Variants in ABL2 observed in about 807,000 individuals in gnomAD.
ABL2 encodes the protein ABL proto-oncogene 2, non-receptor tyrosine kinase.
Under a neutral mutation model 107.7 loss-of-function variants are expected in ABL2, and 49 were observed. The ratio of observed to expected loss-of-function variants is 0.45; its 90% CI spans 0.36 to 0.58. ABL2 has a LOEUF of 0.58. Among genes scored for constraint, ABL2 ranks in the 20% least tolerant of loss-of-function variants. The pLI is 0.00. For synonymous variants in ABL2, 549 were observed against 548.6 expected (o/e 1.00, Z -0.01); for missense variants, 1,245 against 1,457.0 (o/e 0.85, Z 2.37).
intron 1 of ABL2, among the ~76,000 whole-genome samples, chr1:179,207,662 T>C (rs1662052560): frequency 6.6e-6 from 1 of 152,192 alleles, no homozygotes; most frequent in South Asian, 2.1e-4. Flanking sequence ...CCTATTTTAC[T>C]GGTGAGAAAA....
intron 1 of ABL2, among the ~76,000 whole-genome samples, chr1:179,165,692 G>A (rs1490406939): frequency 6.6e-6 from 1 of 151,800 alleles, no homozygotes; most frequent in African/African-American, 2.4e-5. Context: ...TGGGGGAGGG[G>A]ACAGTTATGC....
intron 1 of ABL2, among the ~76,000 whole-genome samples, chr1:179,169,408 C>T (rs1406291664): frequency 2.0e-5 from 3 of 151,862 alleles, no homozygotes; most frequent in Non-Finnish European, 4.4e-5. Context: ...ATTAGCTGGG[C>T]GTGGTGGCGG....
chr1:179,108,644 C>T lies in ABL2; in HGVS notation c.2623G>A (p.Asp875Asn). 1 of 1,614,208 alleles carries T rather than the reference C, an allele frequency of 6.2e-7. No homozygotes were observed. Among genetic ancestry groups the T allele is most frequent in the East Asian group, 2.2e-5 (1 of 44,876 alleles). The change falls in exon 12 of 12, where the codon GAC becomes AAC. Residue 875 changes from aspartate to asparagine, a missense_variant. Coordinates refer to ENST00000502732, the MANE Select transcript of ABL2 (RefSeq NM_007314.4). ...PSGDLAITEK[D>N]PPGVGVAGVA... ...CCAGCCACTCCCACCCCTGGAGGGT[C>T]CTTCTCTGTAATGGCTAGATCCCCA...
chr1:179,140,941 A>C (rs1373062114), intron 1 of ABL2, among the ~76,000 whole-genome samples: 1 of 151,900 alleles, frequency 6.6e-6, no homozygotes, highest in African/African-American at 2.4e-5. Flanking sequence ...GGAGTTCGAG[A>C]CCAGTCTGGC....
intron 3 of ABL2, among the ~76,000 whole-genome samples, chr1:179,130,669 A>T (rs1315787798): frequency 1.3e-5 from 2 of 151,972 alleles, no homozygotes; most frequent in Non-Finnish European, 2.9e-5. Flanking sequence ...TCCGTGGGAA[A>T]TTCTTATAAA....
chr1:179,189,098 G>T (rs111290034), intron 1 of ABL2, among the ~76,000 whole-genome samples: 2,224 of 152,162 alleles, frequency 0.015, 49 homozygotes, highest in African/African-American at 0.049. Flanking sequence ...GCCAAAACAT[G>T]ACAATCTTCA....
intron 3 of ABL2, 121 bp downstream of exon 3, chr1:179,131,190 C>T (rs924357674): frequency 1.4e-5 from 15 of 1,057,638 alleles, no homozygotes; most frequent in South Asian, 5.3e-5. Context: ...GTGACCTGCC[C>T]GCCTTGGCCT....
intron 1 of ABL2, among the ~76,000 whole-genome samples, chr1:179,225,905 G>C (rs896572438): frequency 6.6e-6 from 1 of 151,728 alleles, no homozygotes; most frequent in Non-Finnish European, 1.5e-5. Flanking sequence ...TTAGCCGGGC[G>C]TGGTGGCAGG....
intron 1 of ABL2, among the ~76,000 whole-genome samples, chr1:179,186,851 C>T (rs941071201): frequency 1.3e-5 from 2 of 151,990 alleles, no homozygotes; most frequent in African/African-American, 4.8e-5. Context: ...ATTCTTAGGC[C>T]TCAGCCTCCC....
intron 8 of ABL2, chr1:179,117,114 C>G: frequency 3.6e-6 from 2 of 558,000 alleles, no homozygotes; most frequent in Non-Finnish European, 6.3e-6. Flanking sequence ...TAATTACAAA[C>G]GTGAGCCACC....
At chr1:179,212,201 A>G (rs577349123) in intron 1 of ABL2, among the ~76,000 whole-genome samples, 1 of 152,296 alleles carries the variant, frequency 6.6e-6, no homozygotes, top group South Asian at 2.1e-4. Context: ...TGCCTCCATG[A>G]TTCAATCATC....
chr1:179,164,924 C>A (rs1659289865), intron 1 of ABL2, among the ~76,000 whole-genome samples: 1 of 151,942 alleles, frequency 6.6e-6, no homozygotes, highest in Non-Finnish European at 1.5e-5. Flanking sequence ...ACAAATAAGC[C>A]TATGATAAAG....
At chr1:179,177,875 G>A (rs1571257519) in intron 1 of ABL2, among the ~76,000 whole-genome samples, 1 of 152,022 alleles carries the variant, frequency 6.6e-6, no homozygotes, top group East Asian at 1.9e-4. Flanking sequence ...GGTCCATTTG[G>A]GCATCACAGA....
intron 1 of ABL2, among the ~76,000 whole-genome samples, chr1:179,162,371 A>C (rs1204954813): frequency 6.6e-6 from 1 of 152,130 alleles, no homozygotes; most frequent in Non-Finnish European, 1.5e-5. Flanking sequence ...GATCACCTGA[A>C]GTCAGGAACT....
At chr1:179,211,800 A>G (rs1330597183) in intron 1 of ABL2, among the ~76,000 whole-genome samples, 3 of 151,880 alleles carry the variant, frequency 2.0e-5, no homozygotes, top group African/African-American at 7.3e-5. Flanking sequence ...CGAAAAAAAA[A>G]AAAAAATTTA....
chr1:179,156,696 C>T (rs114147518), intron 1 of ABL2, among the ~76,000 whole-genome samples: 1 of 151,934 alleles, frequency 6.6e-6, no homozygotes, highest in South Asian at 2.1e-4. Flanking sequence ...GTCAACTTGA[C>T]GAAACCCCGT....
chr1:179,124,246 A>G (rs1655512755), intron 4 of ABL2, among the ~76,000 whole-genome samples: 1 of 133,296 alleles, frequency 7.5e-6, no homozygotes, highest in Admixed American at 8.0e-5. Context: ...ATCTCAAAAG[A>G]AAAAAAAAAA....
intron 1 of ABL2, among the ~76,000 whole-genome samples, chr1:179,208,221 A>G (rs1662084675): frequency 2.0e-5 from 3 of 152,122 alleles, no homozygotes. Flanking sequence ...ATTGTGTGTC[A>G]CTAAGGTTTG....
Position 179,126,791 on chromosome 1 carries a change from C to A in ABL2, c.392-119G>T. On this transcript the variant is annotated intron_variant, in intron 3 of 11. Transcript: ENST00000502732. This position sits in a 1 kb window ranked among gnomAD's most constrained non-coding sequence, Gnocchi z 4.4. ...AAAAAAAGAATCTAGAACTTTTATGCCAAATTTTTTTTTTAAATAATGAAA... is the reference window on the plus strand; with the variant it reads ...AAAAAAAGAATCTAGAACTTTTATGACAAATTTTTTTTTTAAATAATGAAA... 2.7e-6 allele frequency: 3 copies of A among 1,129,314 alleles called. No homozygotes were observed. Among genetic ancestry groups the A allele is most frequent in the Non-Finnish European group, 3.6e-6 (3 of 822,468 alleles). 70.0% of individuals were successfully genotyped at this position (1,129,314 alleles called of 1,614,324 possible). A position where few individuals can be genotyped will look rare whatever the true frequency, so the allele number is the denominator to read the frequency against.
Sources: gnomAD v4.1 joint callset for allele counts (sites outside exome capture counted in the v4.1 genomes callset) on GRCh38, gnomAD v4.1.1 for gene constraint, Gnocchi (gnomAD v3.1) non-coding constraint, MANE v1.5 for transcripts, NCBI Gene and HGNC (gene_info 2026-07-23, HGNC 2026-07-21) for gene names.